Variants in PDE4B observed in about 807,000 individuals in gnomAD.
PDE4B encodes 3',5'-cyclic-AMP phosphodiesterase 4B.
PDE4B carries 20 observed loss-of-function variants against 82.2 expected under a neutral mutation model. The observed-to-expected ratio is 0.24, with a 90% CI of 0.17 to 0.35. PDE4B has a LOEUF of 0.35. Among genes scored for constraint, PDE4B ranks in the 10% least tolerant of loss-of-function variants. The pLI is 1.00. For synonymous variants in PDE4B, 320 were observed against 318.9 expected (o/e 1.00, Z -0.04); for missense variants, 655 against 907.2 (o/e 0.72, Z 3.57).
At chr1:66,312,049 G>A (rs1376913431) in intron 7 of PDE4B, among the ~76,000 whole-genome samples, 2 of 152,108 alleles carry the variant, frequency 1.3e-5, no homozygotes, top group African/African-American at 2.4e-5. Flanking sequence ...TCTTCATCAG[G>A]GATCTATAAA....
At chr1:66,193,502 A>G (rs1648003400) in intron 3 of PDE4B, among the ~76,000 whole-genome samples, 1 of 152,114 alleles carries the variant, frequency 6.6e-6, no homozygotes, top group Non-Finnish European at 1.5e-5. Flanking sequence ...TGGTGAGAAA[A>G]AGCCTGAGAC....
intron 3 of PDE4B, among the ~76,000 whole-genome samples, chr1:65,941,224 G>A (rs1394882047): frequency 6.6e-6 from 1 of 151,956 alleles, no homozygotes; most frequent in Non-Finnish European, 1.5e-5. Context: ...TCTCTTCTTT[G>A]GGAAGAGGAG....
chr1:66,157,831 T>A (rs79845826), intron 3 of PDE4B, among the ~76,000 whole-genome samples: 80,726 of 151,578 alleles, frequency 0.53, 24,024 homozygotes, highest in Non-Finnish European at 0.68. Flanking sequence ...AATATAAACC[T>A]TTTAACTAGA....
intron 3 of PDE4B, among the ~76,000 whole-genome samples, chr1:66,007,463 A>G (rs760718232): frequency 6.6e-6 from 1 of 152,064 alleles, no homozygotes; most frequent in South Asian, 2.1e-4. Flanking sequence ...CCCCCCAACC[A>G]AAACCAAACA....
At chr1:65,973,317 AT>A (rs1456745384) in intron 3 of PDE4B, among the ~76,000 whole-genome samples, 1 of 151,868 alleles carries the variant, frequency 6.6e-6, no homozygotes, top group Non-Finnish European at 1.5e-5. Context: ...TTATGATTTT[AT>A]GTATAAAATA....
rs1660835197 is a variant in PDE4B, at chr1:66,339,852, T to TTTTTTTGTTG, written c.747+7238_747+7239insGTTGTTTTTT. ...TTTTTTTGTTTGTTTTTTTTGTTGT[T>TTTTTTTGTTG]TTTTTTTTTTTAGAATATGTCCGAG... On this transcript the variant is annotated intron_variant, in intron 8 of 16. Transcript: ENST00000341517. Among the ~76,000 whole-genome samples, 3 of 11,310 alleles carry TTTTTTTGTTG rather than the reference T, an allele frequency of 2.7e-4. No individual in the cohort carries two copies. The South Asian group carries it at 0.016, about 60-fold the overall frequency. 7.4% of individuals were successfully genotyped at this position (11,310 alleles called of 152,430 possible). A position where few individuals can be genotyped will look rare whatever the true frequency, so the allele number is the denominator to read the frequency against.
chr1:65,884,227 G>T (rs1475235962), intron 1 of PDE4B, among the ~76,000 whole-genome samples: 1 of 152,140 alleles, frequency 6.6e-6, no homozygotes, highest in Non-Finnish European at 1.5e-5. Context: ...GTTTCAGAAG[G>T]AATGGTACCA....
intron 4 of PDE4B, among the ~76,000 whole-genome samples, chr1:66,254,805 T>C (rs1463950636): frequency 6.6e-6 from 1 of 152,244 alleles, no homozygotes; most frequent in Non-Finnish European, 1.5e-5. Context: ...CTCTTCAAGT[T>C]GTCTCATTCT....
chr1:65,977,101 A>G (rs767382240), intron 3 of PDE4B, among the ~76,000 whole-genome samples: 1 of 152,152 alleles, frequency 6.6e-6, no homozygotes, highest in Non-Finnish European at 1.5e-5. Flanking sequence ...ACTAGTTATA[A>G]TTCTCCCTTT....
At chr1:66,320,908 G>A (rs1009391875) in intron 7 of PDE4B, among the ~76,000 whole-genome samples, 1 of 152,190 alleles carries the variant, frequency 6.6e-6, no homozygotes, top group African/African-American at 2.4e-5. Flanking sequence ...GGAAGAGCTA[G>A]CCAGGTGAAC....
At chr1:66,205,784 A>G (rs1649497540) in intron 3 of PDE4B, among the ~76,000 whole-genome samples, 2 of 152,186 alleles carry the variant, frequency 1.3e-5, no homozygotes, top group Non-Finnish European at 2.9e-5. Context: ...CATTCACTAA[A>G]AGTTATACAA....
chr1:66,342,573 A>G (rs1317930411), intron 8 of PDE4B, among the ~76,000 whole-genome samples: 4 of 150,938 alleles, frequency 2.7e-5, no homozygotes, highest in Non-Finnish European at 5.9e-5. Flanking sequence ...AAGAAAAAAA[A>G]GAAAAAAAAT....
chr1:66,012,347 A>C (rs1222694882), intron 3 of PDE4B, among the ~76,000 whole-genome samples: 1 of 152,170 alleles, frequency 6.6e-6, no homozygotes, highest in Non-Finnish European at 1.5e-5. Context: ...TTTGTAATGC[A>C]GCTCAGGCTC....
At chr1:66,030,202 TAC>T (rs1285474373) in intron 3 of PDE4B, among the ~76,000 whole-genome samples, 1 of 152,202 alleles carries the variant, frequency 6.6e-6, no homozygotes, top group Non-Finnish European at 1.5e-5. Context: ...GAATAAAGCC[TAC>T]TTGATTGTGG....
At chr1:66,147,106 T>G (rs1009913525) in intron 3 of PDE4B, among the ~76,000 whole-genome samples, 4 of 152,230 alleles carry the variant, frequency 2.6e-5, no homozygotes, top group Non-Finnish European at 4.4e-5. Context: ...GAGGAGCAAT[T>G]CATGTGGAAG....
chr1:66,271,603 C>T (rs1007845993), intron 7 of PDE4B, among the ~76,000 whole-genome samples: 1 of 152,202 alleles, frequency 6.6e-6, no homozygotes. Flanking sequence ...AGACCTATCT[C>T]CAAACACAGT....
chr1:65,882,378 T>C (rs566090374), intron 1 of PDE4B, among the ~76,000 whole-genome samples: 2 of 152,348 alleles, frequency 1.3e-5, no homozygotes, highest in Admixed American at 6.5e-5. Flanking sequence ...TGATTGATTA[T>C]GTAAATTTAA....
At chr1:65,880,095 T>G (rs1361313600) in intron 1 of PDE4B, among the ~76,000 whole-genome samples, 1 of 152,168 alleles carries the variant, frequency 6.6e-6, no homozygotes, top group East Asian at 1.9e-4. Context: ...GTTTGTACCT[T>G]CATTTGCTAG....
chr1:66,301,027 A>ATG (rs1272565537), intron 7 of PDE4B, among the ~76,000 whole-genome samples: 1 of 152,066 alleles, frequency 6.6e-6, no homozygotes, highest in Non-Finnish European at 1.5e-5. Flanking sequence ...GTCAGTATGT[A>ATG]TGTGTGTGTG....
Sources: gnomAD v4.1 joint callset for allele counts (sites outside exome capture counted in the v4.1 genomes callset) on GRCh38, gnomAD v4.1.1 for gene constraint, MANE v1.5 for transcripts, NCBI Gene and HGNC (gene_info 2026-07-23, HGNC 2026-07-21) for gene names.